IL1RAPL1: variants seen among roughly 807,000 people sequenced by gnomAD.
The protein encoded by IL1RAPL1 is interleukin 1 receptor accessory protein like 1.
A neutral mutation model predicts 48.4 loss-of-function variants in IL1RAPL1; 3 were observed. The observed-to-expected ratio is 0.06, with a 90% CI of 0.03 to 0.16. IL1RAPL1 has a LOEUF of 0.16. Ranked by LOEUF, IL1RAPL1 falls within the 10% of genes least tolerant of loss-of-function variation. The pLI, the probability that IL1RAPL1 is intolerant of heterozygous loss-of-function variation, is 1.00. For missense variants in IL1RAPL1, 349 were observed against 530.6 expected (o/e 0.66, Z 3.36); for synonymous variants, 185 against 187.7 (o/e 0.99, Z 0.12).
chrX:29,791,023 T>C, intron 6 of IL1RAPL1, among the ~76,000 whole-genome samples: 1 of 110,608 alleles, frequency 9.0e-6, no homozygotes, highest in Non-Finnish European at 1.9e-5. Flanking sequence ...GTCATCTCTC[T>C]CTACTCCAAA....
intron 1 of IL1RAPL1, among the ~76,000 whole-genome samples, chrX:28,677,298 G>T (rs954824924): frequency 8.9e-6 from 1 of 111,864 alleles, no homozygotes; most frequent in Admixed American, 9.5e-5. Context: ...TGTTATATAA[G>T]AAGGATCATG....
chrX:28,913,831 C>T (rs1422474276), intron 2 of IL1RAPL1, among the ~76,000 whole-genome samples: 1 of 111,891 alleles, frequency 8.9e-6, no homozygotes, highest in Admixed American at 9.5e-5. Flanking sequence ...AAGTTCAGCT[C>T]TGGCTATATG....
intron 6 of IL1RAPL1, among the ~76,000 whole-genome samples, chrX:29,804,811 G>A (rs1458333681): frequency 8.9e-6 from 1 of 112,034 alleles, no homozygotes; most frequent in African/African-American, 3.2e-5. Context: ...AAATATACTA[G>A]TTTAGAGAAA....
At chrX:29,812,657 C>G (rs769715636) in intron 6 of IL1RAPL1, among the ~76,000 whole-genome samples, 3 of 111,491 alleles carry the variant, frequency 2.7e-5, no homozygotes, top group Non-Finnish European at 5.7e-5. Flanking sequence ...TAACGACACA[C>G]TTTTATGATG....
chrX:29,205,089 G>T (rs751281229), intron 2 of IL1RAPL1, among the ~76,000 whole-genome samples: 1 of 111,511 alleles, frequency 9.0e-6, no homozygotes, highest in African/African-American at 3.3e-5. Flanking sequence ...ATTTGTTCAA[G>T]TCTCTTATTA....
chrX:29,753,178 A>AT (rs1928531957), intron 6 of IL1RAPL1, among the ~76,000 whole-genome samples: 1 of 112,336 alleles, frequency 8.9e-6, no homozygotes, highest in Non-Finnish European at 1.9e-5. Flanking sequence ...TAATTTAATT[A>AT]TATCAGTCAA....
At chrX:29,657,924 C>T (rs1925734470) in intron 5 of IL1RAPL1, among the ~76,000 whole-genome samples, 1 of 106,977 alleles carries the variant, frequency 9.3e-6, no homozygotes, top group Admixed American at 1.0e-4. Context: ...CAATCAGCAT[C>T]CTTTTCCTAT....
At chrX:29,032,742 TGC>T in intron 2 of IL1RAPL1, among the ~76,000 whole-genome samples, 1 of 70,439 alleles carries the variant, frequency 1.4e-5, no homozygotes, top group South Asian at 8.9e-4. Context: ...CACGTGGGCA[TGC>T]ACACACACAC....
At chrX:29,704,602 G>C (rs1927141941) in intron 6 of IL1RAPL1, among the ~76,000 whole-genome samples, 1 of 111,250 alleles carries the variant, frequency 9.0e-6, no homozygotes, top group South Asian at 3.8e-4. Flanking sequence ...CCGGGAGACA[G>C]AGGTTGCAGT....
chrX:29,895,894 AG>A (rs1359837778), intron 6 of IL1RAPL1, among the ~76,000 whole-genome samples: 1 of 111,720 alleles, frequency 9.0e-6, no homozygotes, highest in Non-Finnish European at 1.9e-5. Context: ...TGTTTGATGT[AG>A]GTAAGCCCAT....
intron 1 of IL1RAPL1, among the ~76,000 whole-genome samples, chrX:28,642,320 C>G (rs1234603352): frequency 8.9e-6 from 1 of 111,775 alleles, no homozygotes; most frequent in Non-Finnish European, 1.9e-5. Flanking sequence ...ACCTAATAGA[C>G]ATCTACAGAA....
At chrX:28,691,172 CTGCCCCTGATA>C (rs1935174558) in intron 1 of IL1RAPL1, among the ~76,000 whole-genome samples, 2 of 110,877 alleles carry the variant, frequency 1.8e-5, no homozygotes, top group East Asian at 5.7e-4. Context: ...CTCCCCACCC[CTGCCCCTGATA>C]TGCCATCTTA....
At chrX:28,760,989 G>A (rs1936164411) in intron 1 of IL1RAPL1, among the ~76,000 whole-genome samples, 1 of 108,833 alleles carries the variant, frequency 9.2e-6, no homozygotes, top group South Asian at 4.1e-4. Context: ...AGGAGGCTGA[G>A]GTGGGAGAAT....
chrX:28,822,173 G>C (rs1010331646), intron 2 of IL1RAPL1, among the ~76,000 whole-genome samples: 8 of 111,208 alleles, frequency 7.2e-5, no homozygotes, highest in African/African-American at 2.6e-4. Flanking sequence ...ATAGTACCTT[G>C]TCTGCAGTTT....
At chrX:29,670,283 T>C (rs1926107839) in intron 6 of IL1RAPL1, among the ~76,000 whole-genome samples, 1 of 111,790 alleles carries the variant, frequency 8.9e-6, no homozygotes, top group African/African-American at 3.2e-5. Context: ...ATTAAAAATA[T>C]GGAAATTTCT....
chrX:28,833,698 A>G (rs902388641), intron 2 of IL1RAPL1, among the ~76,000 whole-genome samples: 1 of 111,936 alleles, frequency 8.9e-6, no homozygotes, highest in Admixed American at 9.5e-5. Flanking sequence ...AAAATTTCTA[A>G]GCTTTAACTA....
chrX:28,650,405 T>C (rs1934669186), intron 1 of IL1RAPL1, among the ~76,000 whole-genome samples: 1 of 111,245 alleles, frequency 9.0e-6, no homozygotes, highest in African/African-American at 3.3e-5. Flanking sequence ...AAAGAGAGCT[T>C]GTGCAGGGAA....
chrX:29,008,182 T>G (rs770758558), intron 2 of IL1RAPL1, among the ~76,000 whole-genome samples: 2 of 109,186 alleles, frequency 1.8e-5, no homozygotes, highest in Non-Finnish European at 1.9e-5. Flanking sequence ...TTTTTTTTTT[T>G]TTATTGAGAC....
At chrX:29,786,215 A>G (rs922818812) in intron 6 of IL1RAPL1, among the ~76,000 whole-genome samples, 2 of 111,455 alleles carry the variant, frequency 1.8e-5, no homozygotes, top group African/African-American at 6.5e-5. Context: ...ACCTGGCCTC[A>G]TCGAACGTAC....
Sources: gnomAD v4.1 joint callset for allele counts (sites outside exome capture counted in the v4.1 genomes callset) on GRCh38, gnomAD v4.1.1 for gene constraint, MANE v1.5 for transcripts, NCBI Gene and HGNC (gene_info 2026-07-23, HGNC 2026-07-21) for gene names.